The following CSMD1 variants were observed in gnomAD, a reference collection of about 807,000 sequenced individuals.
CSMD1 encodes the protein CUB and sushi domain-containing protein 1.
A neutral mutation model predicts 417.5 loss-of-function variants in CSMD1; 213 were observed. That is an observed-to-expected ratio of 0.51 (90% CI 0.46 to 0.57). The LOEUF (loss-of-function observed/expected upper bound fraction) is 0.57. CSMD1 is among the 20% of genes least tolerant of loss of function. The pLI, the probability that CSMD1 is intolerant of heterozygous loss-of-function variation, is 0.00. For synonymous variants in CSMD1, 2,862 were observed against 1,736.8 expected (o/e 1.65, Z -16.11); for missense variants, 6,923 against 4,529.7 (o/e 1.53, Z -15.17).
chr8:3,334,326 G>T (rs774240295), intron 23 of CSMD1, among the ~76,000 whole-genome samples: 2 of 152,136 alleles, frequency 1.3e-5, no homozygotes, highest in Non-Finnish European at 2.9e-5. Flanking sequence ...TACACTTCAT[G>T]CTTGCAATAT....
chr8:4,335,086 G>C (rs556338000), intron 3 of CSMD1, among the ~76,000 whole-genome samples: 5 of 152,222 alleles, frequency 3.3e-5, no homozygotes, highest in Admixed American at 1.3e-4. Flanking sequence ...ACTTTGTGTA[G>C]AGACAGAGCC....
At chr8:3,751,247 T>C (rs1338734765) in intron 6 of CSMD1, among the ~76,000 whole-genome samples, 1 of 151,720 alleles carries the variant, frequency 6.6e-6, no homozygotes, top group Non-Finnish European at 1.5e-5. Flanking sequence ...TTTGACCGTT[T>C]TAGAATTAAA....
At chr8:4,597,045 A>G (rs1418680459) in intron 2 of CSMD1, among the ~76,000 whole-genome samples, 1 of 151,792 alleles carries the variant, frequency 6.6e-6, no homozygotes, top group Non-Finnish European at 1.5e-5. Flanking sequence ...AATTCAACCT[A>G]TTTTTCTTCC....
chr8:3,173,886 T>A (rs993011703), intron 37 of CSMD1, among the ~76,000 whole-genome samples: 1 of 152,216 alleles, frequency 6.6e-6, no homozygotes, highest in Admixed American at 6.5e-5. Context: ...TAGGGGCTAA[T>A]CCAAGTTATC....
chr8:3,881,718 C>A (rs577957137), intron 5 of CSMD1, among the ~76,000 whole-genome samples: 3 of 151,448 alleles, frequency 2.0e-5, no homozygotes, highest in South Asian at 2.1e-4. Context: ...GAGCTTGGGG[C>A]CTTACACTAC....
intron 3 of CSMD1, among the ~76,000 whole-genome samples, chr8:4,401,753 C>T (rs760112359): frequency 3.3e-5 from 5 of 152,282 alleles, no homozygotes; most frequent in Admixed American, 3.3e-4. Flanking sequence ...CTGGCGTCCC[C>T]TCTCTTGAAC....
intron 3 of CSMD1, among the ~76,000 whole-genome samples, chr8:4,081,596 T>G (rs1049628684): frequency 6.6e-6 from 1 of 152,114 alleles, no homozygotes; most frequent in Admixed American, 6.6e-5. Flanking sequence ...ACCCAACCAC[T>G]GCAGAATACA....
chr8:3,539,136 T>A (rs1002745635), intron 10 of CSMD1, among the ~76,000 whole-genome samples: 1 of 152,216 alleles, frequency 6.6e-6, no homozygotes, highest in African/African-American at 2.4e-5. Flanking sequence ...ACCGCTTGTC[T>A]TTCCCTTCCA....
intron 1 of CSMD1, among the ~76,000 whole-genome samples, chr8:4,748,444 G>C (rs917861120): frequency 6.6e-6 from 1 of 152,160 alleles, no homozygotes; most frequent in East Asian, 1.9e-4. Context: ...TCATATTTAT[G>C]ACCCAAGTAA....
intron 5 of CSMD1, among the ~76,000 whole-genome samples, chr8:3,902,907 T>G (rs147063376): frequency 1.3e-5 from 2 of 152,218 alleles, no homozygotes; most frequent in African/African-American, 4.8e-5. Context: ...ATCCTGATCT[T>G]AACCACTTAT....
chr8:4,031,813 A>T, intron 4 of CSMD1, 92 bp downstream of exon 4: 1 of 965,846 alleles, frequency 1.0e-6, no homozygotes. Context: ...AACATGTATT[A>T]TTTTCATTTA....
At chr8:4,415,860 A>G (rs1053972519) in intron 3 of CSMD1, among the ~76,000 whole-genome samples, 1 of 152,214 alleles carries the variant, frequency 6.6e-6, no homozygotes, top group African/African-American at 2.4e-5. Flanking sequence ...TAAACGTAAT[A>G]TATACAAGAG....
At chr8:3,719,018 A>G (rs1258036848) in intron 6 of CSMD1, among the ~76,000 whole-genome samples, 1 of 152,142 alleles carries the variant, frequency 6.6e-6, no homozygotes, top group African/African-American at 2.4e-5. Context: ...CGCGCTCAGA[A>G]ACAACATTCT....
chr8:4,979,444 T>C (rs925553147), intron 1 of CSMD1, among the ~76,000 whole-genome samples: 1 of 151,860 alleles, frequency 6.6e-6, no homozygotes, highest in Non-Finnish European at 1.5e-5. Context: ...CTTAGCCGTA[T>C]AGCAGATGCC....
intron 50 of CSMD1, among the ~76,000 whole-genome samples, chr8:3,040,397 T>TATATAC (rs1235053776): frequency 6.9e-6 from 1 of 144,490 alleles, no homozygotes; most frequent in Non-Finnish European, 1.5e-5. Flanking sequence ...AATATATATA[T>TATATAC]ATATATATAT....
intron 3 of CSMD1, among the ~76,000 whole-genome samples, chr8:4,407,647 T>TTAG (rs1364330854): frequency 6.6e-6 from 1 of 152,218 alleles, no homozygotes. Context: ...TACAAGTTAA[T>TTAG]TAGTGCCTTT....
intron 2 of CSMD1, among the ~76,000 whole-genome samples, chr8:4,426,978 G>C (rs535601528): frequency 1.3e-5 from 2 of 152,116 alleles, no homozygotes; most frequent in East Asian, 3.9e-4. Flanking sequence ...GCCTGGTCTA[G>C]GGATGGGGAC....
intron 8 of CSMD1, among the ~76,000 whole-genome samples, chr8:3,592,047 G>A (rs1033187823): frequency 3.9e-5 from 6 of 152,156 alleles, no homozygotes; most frequent in African/African-American, 1.2e-4. Context: ...CAGACGAATA[G>A]ATGGATAGAT....
intron 50 of CSMD1, among the ~76,000 whole-genome samples, chr8:3,042,241 T>C (rs1040878558): frequency 1.3e-5 from 2 of 151,998 alleles, no homozygotes; most frequent in African/African-American, 4.8e-5. Context: ...AAGAGAGAGG[T>C]GGATGGATAT....
Sources: gnomAD v4.1 joint callset for allele counts (sites outside exome capture counted in the v4.1 genomes callset) on GRCh38, gnomAD v4.1.1 for gene constraint, MANE v1.5 for transcripts, NCBI Gene and HGNC (gene_info 2026-07-23, HGNC 2026-07-21) for gene names.